The following CDH18 variants were observed in gnomAD, a reference collection of about 807,000 sequenced individuals.
The protein encoded by CDH18 is cadherin 18, also known as cadherin-18.
CDH18 carries 31 observed loss-of-function variants against 67.9 expected under a neutral mutation model. The ratio of observed to expected loss-of-function variants is 0.46; its 90% confidence interval spans 0.34 to 0.62. CDH18 has a LOEUF of 0.62. Among genes scored for constraint, CDH18 ranks in the 20% least tolerant of loss-of-function variants. The pLI is 0.01. For synonymous variants in CDH18, 362 were observed against 347.2 expected, an observed-to-expected ratio of 1.04 and a Z score of -0.48; for missense variants, 890 against 975.5, an observed-to-expected ratio of 0.91 and a Z score of 1.17.
intron 1 of CDH18, among the ~76,000 whole-genome samples, chr5:20,468,651 T>G (rs912486277): frequency 1.4e-4 from 22 of 152,196 alleles, no homozygotes; most frequent in Admixed American, 1.1e-3. Flanking sequence ...ATGAACATAA[T>G]TTAGAGTCCA....
chr5:19,485,723 T>C (rs1740288351), intron 11 of CDH18, among the ~76,000 whole-genome samples: 1 of 152,176 alleles, frequency 6.6e-6, no homozygotes, highest in Non-Finnish European at 1.5e-5. Context: ...CAGAAGTCTT[T>C]AGTCTATGGG....
intron 6 of CDH18, among the ~76,000 whole-genome samples, chr5:19,599,713 T>A (rs1232323108): frequency 6.6e-6 from 1 of 151,902 alleles, no homozygotes; most frequent in African/African-American, 2.4e-5. Flanking sequence ...CCATCCTGGC[T>A]AACACGGTGA....
At chr5:20,101,656 C>G (rs1250705993) in intron 2 of CDH18, among the ~76,000 whole-genome samples, 1 of 152,162 alleles carries the variant, frequency 6.6e-6, no homozygotes, top group African/African-American at 2.4e-5. Context: ...ATTAAAAAGA[C>G]TCTGCAGTTT....
At chr5:19,489,568 T>C (rs964147409) in intron 11 of CDH18, among the ~76,000 whole-genome samples, 3 of 152,140 alleles carry the variant, frequency 2.0e-5, no homozygotes, top group Admixed American at 6.5e-5. Flanking sequence ...TTTTATCAGA[T>C]GCTACACAGT....
At chr5:19,655,506 T>C (rs1756234984) in intron 5 of CDH18, among the ~76,000 whole-genome samples, 2 of 152,142 alleles carry the variant, frequency 1.3e-5, no homozygotes, top group South Asian at 4.1e-4. Flanking sequence ...TTAATATTTG[T>C]GGAATAAATG....
chr5:20,469,618 G>A (rs921414534), intron 1 of CDH18, among the ~76,000 whole-genome samples: 1 of 151,996 alleles, frequency 6.6e-6, no homozygotes, highest in Admixed American at 6.6e-5. Context: ...GAGGATTTGG[G>A]GCCTGTTTTA....
chr5:19,956,768 A>G (rs1796295277), intron 2 of CDH18, among the ~76,000 whole-genome samples: 1 of 151,882 alleles, frequency 6.6e-6, no homozygotes, highest in Non-Finnish European at 1.5e-5. Context: ...AGTAAAATAT[A>G]TATGTTTTTA....
Position 20,501,717 on chromosome 5 carries a change from T to TTGTGTGTGTG in CDH18, c.-580+73735_-580+73744dup, listed in dbSNP as rs1170488048. Among the ~76,000 whole-genome samples, 373 of 121,256 alleles carry TTGTGTGTGTG rather than the reference T, an allele frequency of 3.1e-3. 2 individuals are homozygous for TTGTGTGTGTG. The highest frequency in any genetic ancestry group is 4.2e-3 in the Middle Eastern group (1 of 238). The allele number at this position is 121,256 out of a possible 152,430, so 79.5% of individuals were successfully genotyped here. A position where few individuals can be genotyped will look rare whatever the true frequency, so the allele number is the denominator to read the frequency against. ...GGCCAAACCCTAAAATCTTAAGGAT[T>TTGTGTGTGTG]TGTGTGTGTGTGTGTGTGTGTGTGT... On this transcript the variant is annotated intron_variant, in intron 1 of 14. Transcript: ENST00000507958.
chr5:20,230,183 T>C (rs1464359774), intron 2 of CDH18, among the ~76,000 whole-genome samples: 1 of 152,130 alleles, frequency 6.6e-6, no homozygotes, highest in East Asian at 1.9e-4. Context: ...AATAATTGCA[T>C]GTGTATAACA....
At chr5:19,882,885 G>C (rs926060013) in intron 2 of CDH18, among the ~76,000 whole-genome samples, 1 of 152,058 alleles carries the variant, frequency 6.6e-6, no homozygotes, top group East Asian at 1.9e-4. Flanking sequence ...AAGTTATCAG[G>C]TATCAAGATA....
In CDH18 at chr5:20,095,443, GA is replaced by G. The variant is rs1196326446; in HGVS notation, c.-517-103430del. On this transcript the variant is annotated intron_variant, in intron 2 of 14. Transcript: ENST00000507958. ...AGAAAGAAAGAAAGAAAGAAAGAAA[GA>G]AAAGAAAGAAAGAAAGAAGAAAGAA... Among the ~76,000 whole-genome samples, 188 of 62,174 alleles carry G rather than the reference GA, an allele frequency of 3.0e-3. 2 individuals carry two copies. Among genetic ancestry groups the G allele is most frequent in the African/African-American group, 8.8e-3 (139 of 15,870 alleles). The allele number at this position is 62,174 out of a possible 152,430, so 40.8% of individuals were successfully genotyped here. A position where few individuals can be genotyped will look rare whatever the true frequency, so the allele number is the denominator to read the frequency against.
At chr5:19,696,551 G>T (rs1762570142) in intron 5 of CDH18, among the ~76,000 whole-genome samples, 1 of 150,928 alleles carries the variant, frequency 6.6e-6, no homozygotes, top group Admixed American at 6.6e-5. Flanking sequence ...AAAAAAAAGA[G>T]CCCAGCTGAT....
intron 3 of CDH18, among the ~76,000 whole-genome samples, chr5:19,769,854 C>T (rs1334911502): frequency 6.6e-6 from 1 of 151,320 alleles, no homozygotes; most frequent in Non-Finnish European, 1.5e-5. Flanking sequence ...TGATAAGGAT[C>T]TAGTATCTAG....
chr5:19,897,649 C>T (rs1165752513), intron 2 of CDH18, among the ~76,000 whole-genome samples: 1 of 151,874 alleles, frequency 6.6e-6, no homozygotes, highest in Non-Finnish European at 1.5e-5. Flanking sequence ...TTACAATAAT[C>T]CTAAACTGAA....
intron 4 of CDH18, among the ~76,000 whole-genome samples, chr5:19,730,689 T>C (rs1029948272): frequency 6.6e-6 from 1 of 152,084 alleles, no homozygotes; most frequent in Non-Finnish European, 1.5e-5. Context: ...CTGTGGTTGT[T>C]TGGCATCACC....
chr5:19,785,292 C>A (rs1016303281), intron 3 of CDH18, among the ~76,000 whole-genome samples: 1 of 151,834 alleles, frequency 6.6e-6, no homozygotes, highest in Admixed American at 6.6e-5. Flanking sequence ...TAATATTTTT[C>A]AGGTTGAGGG....
chr5:19,610,123 G>A (rs1449643338), intron 6 of CDH18, among the ~76,000 whole-genome samples: 2 of 152,038 alleles, frequency 1.3e-5, no homozygotes, highest in Admixed American at 6.6e-5. Flanking sequence ...TTCTGATTGT[G>A]TAGTGCCTCC....
chr5:19,624,715 G>A (rs548601346), intron 5 of CDH18, among the ~76,000 whole-genome samples: 139 of 152,192 alleles, frequency 9.1e-4, no homozygotes, highest in Non-Finnish European at 1.6e-3. Context: ...CCATGCTGGA[G>A]AGCAAGTTTT....
intron 2 of CDH18, among the ~76,000 whole-genome samples, chr5:19,906,582 G>A (rs1177447361): frequency 6.6e-6 from 1 of 151,850 alleles, no homozygotes; most frequent in African/African-American, 2.4e-5. Flanking sequence ...GCATCAAAAT[G>A]AAGGACCCAC....
Sources: allele counts gnomAD v4.1 joint callset (sites outside exome capture counted in the v4.1 genomes callset), GRCh38; gene constraint gnomAD v4.1.1; transcripts MANE v1.5; gene names NCBI Gene and HGNC (gene_info 2026-07-23, HGNC 2026-07-21).